The following GGT1 variants were observed in gnomAD, a reference collection of about 807,000 sequenced individuals.
GGT1 encodes the protein glutathione hydrolase 1 proenzyme.
Under a neutral mutation model 56.0 loss-of-function variants are expected in GGT1, and 21 were observed. The ratio of observed to expected loss-of-function variants is 0.38; its 90% CI spans 0.27 to 0.54. The LOEUF is 0.54. Ranked by LOEUF, GGT1 falls within the 20% of genes least tolerant of loss-of-function variation. The pLI is 0.82. For missense variants in GGT1, 466 were observed against 787.0 expected (o/e 0.59, Z 4.88); for synonymous variants, 238 against 342.6 (o/e 0.69, Z 3.37).
intron 1 of GGT1, among the ~76,000 whole-genome samples, chr22:24,605,710 A>AATGTGTATTATATATTTAATATTATATG (rs2046175003): frequency 1.1e-4 from 7 of 61,114 alleles, no homozygotes; most frequent in Admixed American, 3.0e-4. Flanking sequence ...AATATTATAT[A>AATGTGTATTATATATTTAATATTATATG]ATGTGTATTA....
chr22:24,589,715 C>G, the GGT1 span: 4 of 1,326,184 alleles, frequency 3.0e-6, 1 homozygote, highest in South Asian at 4.6e-5. Flanking sequence ...TAAGGCCACA[C>G]AGCAAGCCGC....
chr22:24,589,856 C>T (rs1317737510), upstream of GGT1: 1 of 1,613,830 alleles, frequency 6.2e-7, no homozygotes, highest in South Asian at 1.1e-5. Context: ...GCCAGGTTCA[C>T]AAGCAGGTCA....
chr22:24,622,336 G>A (rs184133250), intron 9 of GGT1, among the ~76,000 whole-genome samples: 9 of 152,134 alleles, frequency 5.9e-5, no homozygotes, highest in Non-Finnish European at 1.0e-4. Context: ...AGGCCGAGGC[G>A]TGTGGATCAC....
chr22:24,621,310 G>T (rs896537725), intron 9 of GGT1, among the ~76,000 whole-genome samples: 1 of 152,058 alleles, frequency 6.6e-6, no homozygotes, highest in African/African-American at 2.4e-5. Flanking sequence ...AAGAGCCAGG[G>T]CTAGGGAAGC....
At chr22:24,590,060 C>G, upstream of GGT1, 1 of 1,284,486 alleles carries the variant, frequency 7.8e-7, no homozygotes, top group Non-Finnish European at 1.0e-6. Flanking sequence ...CCATCTCCTC[C>G]CTAAGGCTGG....
intron 13 of GGT1, 21 bp downstream of exon 13, chr22:24,628,000 G>C (rs1166820077): frequency 6.2e-7 from 1 of 1,612,090 alleles, no homozygotes; most frequent in South Asian, 1.1e-5. Context: ...GAGGTCCGGG[G>C]GTGGGGGACT....
chr22:24,593,421 G>T (rs1255809438), upstream of GGT1, among the ~76,000 whole-genome samples: 1 of 152,148 alleles, frequency 6.6e-6, no homozygotes, highest in African/African-American at 2.4e-5. Flanking sequence ...TCTGCTGTGT[G>T]TGCCAGTGTT....
upstream of GGT1, chr22:24,593,154 C>T: frequency 1.0e-6 from 1 of 983,496 alleles, no homozygotes; most frequent in Non-Finnish European, 1.2e-6. Flanking sequence ...CCGTCCGGGT[C>T]CGAAGGCTGA....
chr22:24,591,490 G>A (rs980995812), upstream of GGT1, among the ~76,000 whole-genome samples: 3 of 152,192 alleles, frequency 2.0e-5, no homozygotes, highest in African/African-American at 7.2e-5. Flanking sequence ...TGCTCTGTGC[G>A]TGGGTCCCAA....
In GGT1 at chr22:24,624,539, C is replaced by T. The variant is rs941620947; in HGVS notation, c.1020+623C>T. The T allele has an allele frequency of 1.1e-4, 105 of 972,478 alleles. 1 individual carries two copies. The African/African-American group carries it at 1.8e-3, about 16-fold the overall frequency. The allele number at this position is 972,478 out of a possible 1,614,324, so 60.2% of individuals were successfully genotyped here. On this transcript the variant is annotated intron_variant, in intron 11 of 15. Coordinates refer to ENST00000400382, the MANE Select transcript of GGT1 (RefSeq NM_001288833.2). The stretch of plus-strand genomic sequence containing the variant: ...GCTGCCCAGGTGGTGTCTTCTCTTT[C>T]CCCGTGAGCATTCTGCACCTCTGAC...
Position 24,626,585 on chromosome 22 carries a change from C to T in GGT1, c.1021-847C>T, listed in dbSNP as rs371871466. 6.1e-4 allele frequency among the ~76,000 whole-genome samples: 93 copies of T among 152,012 alleles called. No individual in the cohort carries two copies. In the South Asian group the frequency reaches 0.019, roughly 31 times the overall value. ...AGCTCCTGACCATCCCCAAACCTGC[C>T]CCTTCTGCAGGGTTTACCTCGCTAG... is the stretch of plus-strand genomic sequence containing the variant. On this transcript the variant is annotated intron_variant, in intron 11 of 15. Coordinates refer to ENST00000400382, the MANE Select transcript of GGT1 (RefSeq NM_001288833.2).
upstream of GGT1, chr22:24,592,890 G>T (rs1444872649): frequency 5.5e-6 from 7 of 1,281,218 alleles, no homozygotes; most frequent in Non-Finnish European, 6.9e-6. Context: ...GCAGCTGCCG[G>T]GCGCGCTCCG....
the GGT1 span, chr22:24,583,865 G>A: frequency 4.4e-6 from 2 of 459,448 alleles, no homozygotes; most frequent in South Asian, 3.1e-5. Flanking sequence ...GCCAGTGGTG[G>A]GCAGGGAGTC....
chr22:24,586,773 TGACC>T, the GGT1 span, among the ~76,000 whole-genome samples: 1 of 152,222 alleles, frequency 6.6e-6, no homozygotes, highest in Non-Finnish European at 1.5e-5. Flanking sequence ...TCAGGTGATC[TGACC>T]GCCTCAGCCT....
chr22:24,605,520 ATAT>A (rs1369758019), intron 1 of GGT1, among the ~76,000 whole-genome samples: 1 of 67,736 alleles, frequency 1.5e-5, no homozygotes, highest in East Asian at 4.4e-4. Context: ...TGTGTATTAT[ATAT>A]TATATAATAT....
the GGT1 span, among the ~76,000 whole-genome samples, chr22:24,586,907 G>A: frequency 6.6e-6 from 1 of 152,234 alleles, no homozygotes; most frequent in Non-Finnish European, 1.5e-5. Context: ...AAAATGGGAC[G>A]TGGTTGTTGT....
At chr22:24,621,635 T>C (rs1268656277) in intron 9 of GGT1, among the ~76,000 whole-genome samples, 1 of 152,076 alleles carries the variant, frequency 6.6e-6, no homozygotes, top group Non-Finnish European at 1.5e-5. Flanking sequence ...GAAATTGGCA[T>C]GCCAATACCC....
At chr22:24,627,367 G>C in intron 11 of GGT1, 65 bp from the exon 12 acceptor site, 1 of 1,477,004 alleles carries the variant, frequency 6.8e-7, no homozygotes, top group South Asian at 1.2e-5. Flanking sequence ...AGGGCCTTCT[G>C]AGACCTGTGC....
At chr22:24,594,378 A>G (rs1267067266), upstream of GGT1, among the ~76,000 whole-genome samples, 1 of 131,888 alleles carries the variant, frequency 7.6e-6, no homozygotes, top group Non-Finnish European at 1.6e-5. Context: ...ACGACAGCCA[A>G]GCACCCGTGT....
Sources: gnomAD v4.1 joint callset for allele counts (sites outside exome capture counted in the v4.1 genomes callset) on GRCh38, gnomAD v4.1.1 for gene constraint, MANE v1.5 for transcripts, NCBI Gene and HGNC (gene_info 2026-07-23, HGNC 2026-07-21) for gene names.